HPS5: variants seen among roughly 807,000 people sequenced by gnomAD.
HPS5 encodes BLOC-2 complex member HPS5.
Under a neutral mutation model 128.0 loss-of-function variants are expected in HPS5, and 83 were observed. That is an observed-to-expected ratio of 0.65 (90% confidence interval 0.54 to 0.78). HPS5 has a LOEUF of 0.78. HPS5 is among the 30% of genes least tolerant of loss of function. HPS5 has a pLI of 0.00. For missense variants in HPS5, 1,281 were observed against 1,326.2 expected, an observed-to-expected ratio of 0.97 and a Z score of 0.53; for synonymous variants, 475 against 470.2, an observed-to-expected ratio of 1.01 and a Z score of -0.13.
chr11:18,285,165 A>G (rs1022294973), intron 20 of HPS5, among the ~76,000 whole-genome samples, 181 bp downstream of exon 20: 1 of 151,982 alleles, frequency 6.6e-6, no homozygotes, highest in Admixed American at 6.6e-5. Context: ...AAAAGAAAAA[A>G]GCAAGAAATT....
intron 1 of HPS5, among the ~76,000 whole-genome samples, chr11:18,318,406 C>T (rs116035833): frequency 1.2e-3 from 176 of 152,244 alleles, no homozygotes; most frequent in African/African-American, 4.0e-3. Flanking sequence ...TCTCTTCAAC[C>T]GAGCAGGGGC....
At chr11:18,300,942 T>C in intron 8 of HPS5, 26 bp from the exon 9 acceptor site, 5 of 1,330,176 alleles carry the variant, frequency 3.8e-6, no homozygotes, top group Non-Finnish European at 4.3e-6. Flanking sequence ...TGAAGAGAAT[T>C]CAAGTGTGCT....
chr11:18,291,767 T>G lies in HPS5; in HGVS notation c.2115A>C (p.Thr705=), dbSNP rs1860433653. The G allele has an allele frequency of 1.9e-6, 3 of 1,614,076 alleles. No individual in the cohort carries two copies. Among genetic ancestry groups the G allele is most frequent in the Non-Finnish European group, 2.5e-6 (3 of 1,180,000 alleles). Residue 705 remains threonine (T), a synonymous_variant, in exon 16 of 23, where the codon ACA becomes ACC. Transcript: ENST00000349215. The part of the protein sequence containing the change: ...SLGNEESVDK[T]ACECVRSPRE... ...TTGGACTCCTTACACATTCACATGC[T>G]GTTTTATCAACAGATTCTTCATTGC...
At chr11:18,311,511 A>ATTTTTTTTTTTTTTTT (rs11376847) in intron 3 of HPS5, 60 bp from the exon 4 acceptor site, 3 of 531,946 alleles carry the variant, frequency 5.6e-6, no homozygotes, top group Non-Finnish European at 5.7e-6. Context: ...TATTATTATT[A>ATTTTTTTTTTTTTTTT]TTTTTTTTTT....
In HPS5 at chr11:18,293,489, G is replaced by A. The variant is rs571444622; in HGVS notation, c.1785-513C>T. On this transcript the variant is annotated intron_variant, in intron 14 of 22. Coordinates refer to ENST00000349215, the MANE Select transcript of HPS5 (RefSeq NM_181507.2). ...ACAAATATTTCTCATGCTTACTAACGGCAAGTATTATACTCATGTTACATA... is the reference window on the plus strand; with the variant it reads ...ACAAATATTTCTCATGCTTACTAACAGCAAGTATTATACTCATGTTACATA... Among the ~76,000 whole-genome samples, 112 of 152,182 alleles carry A rather than the reference G, an allele frequency of 7.4e-4. 2 individuals are homozygous for A. In the South Asian group the frequency reaches 0.016, roughly 22 times the overall value.
chr11:18,315,054 T>A (rs1396252019), intron 2 of HPS5, among the ~76,000 whole-genome samples: 1 of 152,208 alleles, frequency 6.6e-6, no homozygotes, highest in Non-Finnish European at 1.5e-5. Context: ...CAGAGCTAAC[T>A]AACTTTTGCT....
At chr11:18,290,065 T>C (rs990305575) in intron 16 of HPS5, among the ~76,000 whole-genome samples, 10 of 152,130 alleles carry the variant, frequency 6.6e-5, no homozygotes, top group African/African-American at 2.4e-4. Context: ...TCAATGGAAA[T>C]GTACACAGAA....
chr11:18,294,130 AT>A (rs1860771973), intron 14 of HPS5, among the ~76,000 whole-genome samples: 1 of 152,170 alleles, frequency 6.6e-6, no homozygotes, highest in African/African-American at 2.4e-5. Flanking sequence ...ACTATGCCCA[AT>A]TAAGGGCTCT....
intron 8 of HPS5, among the ~76,000 whole-genome samples, chr11:18,303,510 A>AT (rs1861974454): frequency 6.6e-6 from 1 of 152,234 alleles, no homozygotes; most frequent in South Asian, 2.1e-4. Flanking sequence ...GGTAGGGACT[A>AT]TAACAGCAGC....
In HPS5 at chr11:18,285,469, GA is replaced by G; in HGVS notation, c.2838-11del. 1 of 1,541,892 alleles carries G rather than the reference GA, an allele frequency of 6.5e-7. No homozygotes were observed. The highest frequency in any genetic ancestry group is 9.0e-7 in the Non-Finnish European group (1 of 1,114,586). Reference sequence around the variant, plus strand: ...CAAGTGTGAATGAGGCCTATGAAATGAAAAGGAATCAGTAAATTAGATAGGA... The same window carrying G: ...CAAGTGTGAATGAGGCCTATGAAATGAAAGGAATCAGTAAATTAGATAGGA... On this transcript the variant is annotated splice_polypyrimidine_tract_variant and intron_variant, in intron 19 of 22. Coordinates refer to ENST00000349215, the MANE Select transcript of HPS5 (RefSeq NM_181507.2).
intron 8 of HPS5, among the ~76,000 whole-genome samples, chr11:18,304,293 T>A (rs894386277): frequency 6.6e-6 from 1 of 151,488 alleles, no homozygotes; most frequent in African/African-American, 2.4e-5. Flanking sequence ...CTCGGCTCAC[T>A]GCAACCTCTA....
At chr11:18,316,880 A>G (rs1863683157) in intron 2 of HPS5, among the ~76,000 whole-genome samples, 1 of 152,218 alleles carries the variant, frequency 6.6e-6, no homozygotes, top group Non-Finnish European at 1.5e-5. Context: ...TCTAGTGCCC[A>G]CATAGCAAGT....
In HPS5 at chr11:18,291,609, C is replaced by T. The variant is rs1860415032; in HGVS notation, c.2273G>A (p.Ser758Asn). Residue 758 changes from serine (S) to asparagine (N), a missense_variant, in exon 16 of 23, where the codon AGT becomes AAT. By Grantham distance (46) the Ser-to-Asn change is conservative. Coordinates refer to ENST00000349215, the MANE Select transcript of HPS5 (RefSeq NM_181507.2). ...TTGCAAAGTGTGGTCCACATGTCCA[C>T]TGGTGCTTTTGATCTTAGAATTCAA... is the stretch of plus-strand genomic sequence containing the variant. ...NVLNSKIKSTSGHVDHTLQQY... is the reference protein window; with the variant it reads ...NVLNSKIKSTNGHVDHTLQQY... The T allele has an allele frequency of 1.9e-6, 3 of 1,614,050 alleles. No individual in the cohort carries two copies. Among genetic ancestry groups the T allele is most frequent in the Non-Finnish European group, 2.5e-6 (3 of 1,180,000 alleles).
At chr11:18,293,327 C>T (rs1477482044) in intron 14 of HPS5, among the ~76,000 whole-genome samples, 1 of 152,104 alleles carries the variant, frequency 6.6e-6, no homozygotes, top group Non-Finnish European at 1.5e-5. Context: ...CAGCATCATG[C>T]CTGGCTAATT....
chr11:18,287,678 C>T lies in HPS5; in HGVS notation c.2574G>A (p.Lys858=). Reference sequence around the variant, plus strand: ...AGGATCGAAGAGCAGACTCCCCAAACTTTTCATACAACCTGCATTTAAAAA... The same window carrying T: ...AGGATCGAAGAGCAGACTCCCCAAATTTTTCATACAACCTGCATTTAAAAA... ...LVVYATRLYE[K]FGESALRSLI... The change falls in exon 18 of 23, where the codon AAG becomes AAA. Residue 858 remains lysine (K), a synonymous_variant. Transcript: ENST00000349215. 6.2e-7 allele frequency: 1 copy of T among 1,614,158 alleles called. No homozygotes were observed. Among genetic ancestry groups the T allele is most frequent in the Non-Finnish European group, 8.5e-7 (1 of 1,179,998 alleles).
intron 16 of HPS5, 43 bp from the exon 17 acceptor site, chr11:18,288,056 G>A (rs1859961478): frequency 1.9e-6 from 3 of 1,607,138 alleles, no homozygotes; most frequent in African/African-American, 1.3e-5. Flanking sequence ...TATCTCTTAG[G>A]CGGAAATATT....
chr11:18,309,876 C>A (rs1401454666), intron 5 of HPS5, among the ~76,000 whole-genome samples: 1 of 152,108 alleles, frequency 6.6e-6, no homozygotes, highest in African/African-American at 2.4e-5. Context: ...GTGATGCATG[C>A]CAGTAGTCCC....
intron 21 of HPS5, among the ~76,000 whole-genome samples, chr11:18,283,034 C>G (rs913492828): frequency 6.6e-6 from 1 of 152,152 alleles, no homozygotes; most frequent in African/African-American, 2.4e-5. Flanking sequence ...CCAAGTCTTG[C>G]TCTGTTGCCC....
At chr11:18,282,299 A>C (rs930037713) in intron 21 of HPS5, 79 bp from the exon 22 acceptor site, 1 of 1,494,176 alleles carries the variant, frequency 6.7e-7, no homozygotes, top group Non-Finnish European at 9.3e-7. Context: ...AAACTGTGAA[A>C]ATGTTTAATG....
Sources: gnomAD v4.1 joint callset for allele counts (sites outside exome capture counted in the v4.1 genomes callset) on GRCh38, gnomAD v4.1.1 for gene constraint, MANE v1.5 for transcripts, NCBI Gene and HGNC (gene_info 2026-07-23, HGNC 2026-07-21) for gene names.